Variants in ABCB5 observed in about 807,000 individuals in gnomAD.
ABCB5 encodes ATP binding cassette subfamily B member 5.
Under a neutral mutation model 144.2 loss-of-function variants are expected in ABCB5, and 155 were observed. The ratio of observed to expected loss-of-function variants is 1.08; its 90% confidence interval spans 0.94 to 1.23. The LOEUF is 1.23. ABCB5 is among the 50% of genes most tolerant of loss of function. The pLI, the probability that ABCB5 is intolerant of heterozygous loss-of-function variation, is 0.00. For synonymous variants in ABCB5, 610 were observed against 528.6 expected (o/e 1.15, Z -2.11); for missense variants, 1,830 against 1,520.8 (o/e 1.20, Z -3.38).
At chr7:20,723,267 A>G in intron 21 of ABCB5, 48 bp downstream of exon 21, 1 of 1,567,794 alleles carries the variant, frequency 6.4e-7, no homozygotes, top group Non-Finnish European at 8.7e-7. Context: ...AGAGAAAAAC[A>G]GTCAGAACTT....
chr7:20,747,382 C>T (rs1164279179), intron 26 of ABCB5, among the ~76,000 whole-genome samples: 1 of 152,096 alleles, frequency 6.6e-6, no homozygotes, highest in Non-Finnish European at 1.5e-5. Context: ...CTGAGTCTCC[C>T]GAATAGGTGG....
intron 4 of ABCB5, among the ~76,000 whole-genome samples, chr7:20,629,495 G>A (rs1200404704): frequency 1.3e-5 from 2 of 152,108 alleles, no homozygotes; most frequent in Non-Finnish European, 2.9e-5. Context: ...GGGTGCAGTG[G>A]CTCATGCCTG....
At chr7:20,700,258 C>A in intron 19 of ABCB5, 123 bp downstream of exon 19, 1 of 844,144 alleles carries the variant, frequency 1.2e-6, no homozygotes, top group South Asian at 2.4e-5. Context: ...TCTTTTTGTT[C>A]TAAGCAGCAA....
At chr7:20,659,212 T>C (rs1784915555) in intron 14 of ABCB5, 1 of 1,594,632 alleles carries the variant, frequency 6.3e-7, no homozygotes, top group Admixed American at 1.7e-5. Flanking sequence ...CTCAAGGCCA[T>C]ATGCAGTTGT....
intron 16 of ABCB5, among the ~76,000 whole-genome samples, chr7:20,692,531 C>A (rs1786266029): frequency 6.6e-6 from 1 of 150,806 alleles, no homozygotes; most frequent in African/African-American, 2.4e-5. Context: ...AGATGGAAAT[C>A]TGAATATACA....
intron 14 of ABCB5, among the ~76,000 whole-genome samples, chr7:20,670,505 A>T (rs976511466): frequency 2.6e-5 from 4 of 151,934 alleles, no homozygotes; most frequent in Non-Finnish European, 4.4e-5. Context: ...GTGTTTACTT[A>T]AAAAAAAGAC....
Position 20,694,216 on chromosome 7 carries a change from A to C in ABCB5, c.2011-4191A>C, listed in dbSNP as rs538919704. ...AAATATCAGCCATGAACATAGACGA[A>C]AGAATTCTTAACAAAATGTAACAAA... On this transcript the variant is annotated intron_variant, in intron 16 of 27. Transcript: ENST00000404938. 6.6e-5 allele frequency among the ~76,000 whole-genome samples: 10 copies of C among 152,132 alleles called. No individual in the cohort carries two copies. The East Asian group carries it at 1.9e-3, about 29-fold the overall frequency.
At chr7:20,727,278 T>C in intron 22 of ABCB5, 138 bp downstream of exon 22, 1 of 537,062 alleles carries the variant, frequency 1.9e-6, no homozygotes, top group Non-Finnish European at 3.2e-6. Context: ...TAATTTCTCA[T>C]ATGACTTCAC....
At chr7:20,751,611 A>G (rs1254726634) in intron 26 of ABCB5, among the ~76,000 whole-genome samples, 1 of 152,258 alleles carries the variant, frequency 6.6e-6, no homozygotes, top group African/African-American at 2.4e-5. Flanking sequence ...CAGCTGCCCT[A>G]GAAGAATTCA....
intron 4 of ABCB5, among the ~76,000 whole-genome samples, chr7:20,630,392 CA>C (rs879753318): frequency 7.7e-4 from 108 of 140,092 alleles, no homozygotes; most frequent in Middle Eastern, 3.7e-3. Flanking sequence ...ATCTTTAAAG[CA>C]AAAAAAAAAA....
chr7:20,735,866 T>C (rs1313282992), intron 23 of ABCB5, among the ~76,000 whole-genome samples: 2 of 152,226 alleles, frequency 1.3e-5, no homozygotes, highest in African/African-American at 4.8e-5. Context: ...AGTCTCCTCA[T>C]TCATTGACTG....
chr7:20,626,159 T>A (rs73684578), intron 2 of ABCB5, among the ~76,000 whole-genome samples: 43,188 of 151,776 alleles, frequency 0.28, 6,898 homozygotes, highest in African/African-American at 0.43. Flanking sequence ...GGCTGGGAGA[T>A]GGGGACAATG....
intron 14 of ABCB5, among the ~76,000 whole-genome samples, chr7:20,664,334 G>T (rs777451450): frequency 1.3e-5 from 2 of 152,084 alleles, no homozygotes; most frequent in Admixed American, 6.5e-5. Flanking sequence ...AACCACTTTT[G>T]TTCCTGTAAG....
At chr7:20,636,679 G>T (rs1784163547) in intron 5 of ABCB5, among the ~76,000 whole-genome samples, 1 of 150,244 alleles carries the variant, frequency 6.7e-6, no homozygotes, top group Non-Finnish European at 1.5e-5. Flanking sequence ...CAGCTACTCG[G>T]AAAGTTGAGG....
rs181786641 is a variant in ABCB5, at chr7:20,715,688, G to A, written c.2422-7328G>A. On this transcript the variant is annotated intron_variant, in intron 20 of 27. Coordinates refer to ENST00000404938, the MANE Select transcript of ABCB5 (RefSeq NM_001163941.2). ...GCCTCCCAAAGTGCTGGGATTATAA[G>A]TATGAGCCACCGCACCCAGCCTAGA... Among the ~76,000 whole-genome samples the A allele has an allele frequency of 2.8e-3, 417 of 151,548 alleles. 2 individuals carry two copies. Among genetic ancestry groups the A allele is most frequent in the African/African-American group, 8.6e-3 (355 of 41,246 alleles).
chr7:20,723,543 C>G (rs769441614), intron 21 of ABCB5, among the ~76,000 whole-genome samples: 7 of 152,222 alleles, frequency 4.6e-5, no homozygotes, highest in Admixed American at 6.5e-5. Flanking sequence ...GGTTTCTCAT[C>G]TGCAAAGTGG....
rs143585730 is a variant in ABCB5 at position 20,751,099 on chromosome 7, T to C, written c.3430-2261T>C. ...TTTAGGATTAGACTCTGGTGTTCCCTCTGGGACACAACTGACTTTTAGCTC... is the reference window on the plus strand; with the variant it reads ...TTTAGGATTAGACTCTGGTGTTCCCCCTGGGACACAACTGACTTTTAGCTC... On this transcript the variant is annotated intron_variant, in intron 26 of 27. Coordinates refer to ENST00000404938, the MANE Select transcript of ABCB5 (RefSeq NM_001163941.2). 2.1e-3 allele frequency among the ~76,000 whole-genome samples: 327 copies of C among 152,270 alleles called. 2 individuals carry two copies. Among genetic ancestry groups the C allele is most frequent in the African/African-American group, 7.2e-3 (299 of 41,554 alleles).
At chr7:20,711,816 C>CTT (rs1181614011) in intron 20 of ABCB5, among the ~76,000 whole-genome samples, 1 of 50,720 alleles carries the variant, frequency 2.0e-5, no homozygotes, top group African/African-American at 1.8e-4. Flanking sequence ...TTCTTTCTTT[C>CTT]TTTCTTTCTT....
At chr7:20,726,358 C>CTTTATTTTTTT (rs1782035861) in intron 21 of ABCB5, among the ~76,000 whole-genome samples, 1 of 78,420 alleles carries the variant, frequency 1.3e-5, no homozygotes, top group Non-Finnish European at 2.2e-5. Context: ...TCTCTGCTAT[C>CTTTATTTTTTT]TTTTTTTTTT....
Sources: gnomAD v4.1 joint callset for allele counts (sites outside exome capture counted in the v4.1 genomes callset) on GRCh38, gnomAD v4.1.1 for gene constraint, MANE v1.5 for transcripts, NCBI Gene and HGNC (gene_info 2026-07-23, HGNC 2026-07-21) for gene names.